The following SIPA1L3 variants were observed in gnomAD, a reference collection of about 807,000 sequenced individuals.
SIPA1L3 encodes the protein signal-induced proliferation-associated 1-like protein 3.
SIPA1L3 carries 59 observed loss-of-function variants against 150.1 expected under a neutral mutation model. The observed-to-expected ratio is 0.39, with a 90% CI of 0.32 to 0.49. SIPA1L3 has a LOEUF of 0.49. Ranked by LOEUF, SIPA1L3 falls within the 20% of genes least tolerant of loss-of-function variation. The probability of loss-of-function intolerance (pLI) is 0.86; values close to 1 mark genes in which losing one functional copy is unlikely to be tolerated. For missense variants in SIPA1L3, 2,211 were observed against 2,489.5 expected (o/e 0.89, Z 2.38); for synonymous variants, 1,070 against 1,077.6 (o/e 0.99, Z 0.14).
intron 1 of SIPA1L3, among the ~76,000 whole-genome samples, chr19:38,017,118 A>G (rs554104976): frequency 2.5e-4 from 38 of 151,554 alleles, no homozygotes; most frequent in African/African-American, 9.0e-4. Context: ...GCTGGTCTTG[A>G]ACTCCTGACC....
chr19:38,000,911 A>ATATATGT lies in SIPA1L3; in HGVS notation c.-378-28178_-378-28177insTATATGT, dbSNP rs1568495932. Among the ~76,000 whole-genome samples the ATATATGT allele has an allele frequency of 2.0e-4, 26 of 132,158 alleles. No homozygotes were observed. In the East Asian group the frequency reaches 2.6e-3, roughly 13 times the overall value. The allele number at this position is 132,158 out of a possible 152,430, so 86.7% of individuals were successfully genotyped here. Reference sequence around the variant, plus strand: ...TATATATGTTATATATATATATATAACATATATATAACATATATATAACAT... The same window carrying ATATATGT: ...TATATATGTTATATATATATATATAATATATGTCATATATATAACATATATATAACAT... On this transcript the variant is annotated intron_variant, in intron 1 of 21. Coordinates refer to ENST00000222345, the MANE Select transcript of SIPA1L3 (RefSeq NM_015073.3).
At position 38,204,169 on chromosome 19, in the gene SIPA1L3, G is replaced by C; in HGVS notation, c.5163G>C (p.Leu1721=). ...PLDLTGKVYQ[L]EVMLKQLHTD... ...ATCTGACAGGCAAGGTGTACCAGCT[G>C]GAGGTGATGCTGAAACAGCTGCACA... The change falls in exon 21 of 22, where the codon CTG becomes CTC. Residue 1721 remains leucine, a synonymous_variant. Coordinates refer to ENST00000222345, the MANE Select transcript of SIPA1L3 (RefSeq NM_015073.3). 6.4e-7 allele frequency: 1 copy of C among 1,560,078 alleles called. No individual in the cohort carries two copies. The highest frequency in any genetic ancestry group is 8.7e-7 in the Non-Finnish European group (1 of 1,151,096).
At chr19:38,166,557 C>G (rs1390620738) in intron 15 of SIPA1L3, among the ~76,000 whole-genome samples, 1 of 152,136 alleles carries the variant, frequency 6.6e-6, no homozygotes, top group South Asian at 2.1e-4. Flanking sequence ...CAATGAGCCA[C>G]CTTCCAGAAA....
chr19:38,169,023 G>A (rs1191779004), intron 15 of SIPA1L3, among the ~76,000 whole-genome samples: 2 of 152,100 alleles, frequency 1.3e-5, no homozygotes, highest in Non-Finnish European at 2.9e-5. Context: ...AAAAGAGTTT[G>A]CAACTCACCC....
intron 2 of SIPA1L3, among the ~76,000 whole-genome samples, chr19:38,079,846 G>T (rs866742838): frequency 6.6e-6 from 1 of 152,108 alleles, no homozygotes; most frequent in Non-Finnish European, 1.5e-5. Context: ...GTGAGCCACC[G>T]TGCCCAGCCG....
chr19:38,017,336 A>G (rs1968259689), intron 1 of SIPA1L3, among the ~76,000 whole-genome samples: 2 of 152,200 alleles, frequency 1.3e-5, no homozygotes, highest in Non-Finnish European at 2.9e-5. Context: ...GCAGAAAATC[A>G]GTTTGGAAAA....
intron 9 of SIPA1L3, among the ~76,000 whole-genome samples, chr19:38,126,114 C>T (rs566914318): frequency 3.2e-4 from 49 of 152,170 alleles, no homozygotes; most frequent in African/African-American, 1.2e-3. Flanking sequence ...GCGGAGGTTG[C>T]AGTGAGCCGA....
intron 1 of SIPA1L3, among the ~76,000 whole-genome samples, chr19:37,966,645 C>T (rs377462408): frequency 1.3e-5 from 2 of 152,246 alleles, no homozygotes; most frequent in South Asian, 2.1e-4. Flanking sequence ...TTTTGATCCG[C>T]CTCCACCCTC....
intron 19 of SIPA1L3, chr19:38,199,734 G>A (rs887897756): frequency 2.0e-5 from 3 of 152,118 alleles, no homozygotes; most frequent in South Asian, 4.1e-4. Context: ...CTTGCCTGGA[G>A]GTGTGGTTTT....
chr19:38,001,652 C>T (rs1260993109), intron 1 of SIPA1L3, among the ~76,000 whole-genome samples: 1 of 152,212 alleles, frequency 6.6e-6, no homozygotes, highest in Non-Finnish European at 1.5e-5. Context: ...GTCTCAAATT[C>T]CTGGGCTCAA....
At chr19:38,022,435 A>G (rs1968394969) in intron 1 of SIPA1L3, among the ~76,000 whole-genome samples, 1 of 151,302 alleles carries the variant, frequency 6.6e-6, no homozygotes, top group African/African-American at 2.4e-5. Context: ...CTTTAAGAAG[A>G]AAAACTGTAA....
intron 1 of SIPA1L3, among the ~76,000 whole-genome samples, chr19:37,989,999 A>AC (rs947046782): frequency 1.4e-4 from 21 of 150,902 alleles, no homozygotes; most frequent in Non-Finnish European, 2.7e-4. Context: ...GTTGACGTAG[A>AC]CCCCCCCACC....
rs201996351 is a variant in SIPA1L3 at position 38,192,317 on chromosome 19, A to G, written c.4596+7A>G. On this transcript the variant is annotated splice_region_variant and intron_variant, in intron 17 of 21. Transcript: ENST00000222345. ...GCAGGAGAGAGACACGGGAGTACGT[A>G]GGGCCCTGTCCCCCGCTCCCGACCC... 4 of 1,593,166 alleles carry G rather than the reference A, an allele frequency of 2.5e-6. No homozygotes were observed. In the African/African-American group the frequency reaches 4.1e-5, roughly 16 times the overall value.
At chr19:38,144,602 G>A (rs1255044756) in intron 12 of SIPA1L3, among the ~76,000 whole-genome samples, 1 of 152,210 alleles carries the variant, frequency 6.6e-6, no homozygotes, top group Non-Finnish European at 1.5e-5. Flanking sequence ...TAGATTCTAA[G>A]CCTCTTGTTC....
chr19:37,997,624 T>C (rs1967671655), intron 1 of SIPA1L3, among the ~76,000 whole-genome samples: 1 of 143,554 alleles, frequency 7.0e-6, no homozygotes, highest in South Asian at 2.2e-4. Context: ...ATCCCAGCAC[T>C]TCGGGAGGCC....
At chr19:38,008,309 C>T (rs1055116927) in intron 1 of SIPA1L3, among the ~76,000 whole-genome samples, 7 of 136,814 alleles carry the variant, frequency 5.1e-5, no homozygotes, top group African/African-American at 1.9e-4. Context: ...CTTACTGCAA[C>T]CTCTGCCTCC....
At position 38,082,213 on chromosome 19, in the gene SIPA1L3, G is replaced by A; in HGVS notation, c.648G>A (p.Gln216=). The part of the protein sequence containing the change: ...SSIDVQGMPE[Q]SFFDILNEFR... ...TCGACGTGCAGGGCATGCCCGAGCA[G>A]AGCTTCTTCGACATCCTGAACGAGT... is the stretch of plus-strand genomic sequence containing the variant. Residue 216 remains glutamine, a synonymous_variant, in exon 3 of 22, where the codon CAG becomes CAA. Coordinates refer to ENST00000222345, the MANE Select transcript of SIPA1L3 (RefSeq NM_015073.3). The A allele has an allele frequency of 6.2e-7, 1 of 1,602,686 alleles. No homozygotes were observed.
intron 9 of SIPA1L3, among the ~76,000 whole-genome samples, chr19:38,123,460 G>A (rs1971076808): frequency 1.4e-5 from 2 of 147,696 alleles, no homozygotes; most frequent in South Asian, 4.4e-4. Flanking sequence ...AGGGAGTGGT[G>A]ATGACTCTTA....
At chr19:38,153,634 C>T (rs1273878479) in intron 13 of SIPA1L3, among the ~76,000 whole-genome samples, 1 of 147,464 alleles carries the variant, frequency 6.8e-6, no homozygotes, top group African/African-American at 2.5e-5. Flanking sequence ...CGTGCCACTG[C>T]ACTCCAGCCT....
Sources: allele counts gnomAD v4.1 joint callset (sites outside exome capture counted in the v4.1 genomes callset), GRCh38; gene constraint gnomAD v4.1.1; transcripts MANE v1.5; gene names NCBI Gene and HGNC (gene_info 2026-07-23, HGNC 2026-07-21).